The following REDIC1 variants were observed in gnomAD, a reference collection of about 807,000 sequenced individuals.
REDIC1 encodes regulator of DNA class I crossover intermediates 1, also known as HEI10 Interacting Protein 1.
chr12:39,663,690 C>A, the REDIC1 span, among the ~76,000 whole-genome samples: 29 of 151,980 alleles, frequency 1.9e-4, no homozygotes, highest in African/African-American at 6.5e-4. Flanking sequence ...GTTTGATTTT[C>A]TGGTGTGGTA....
chr12:39,712,716 CG>C, the REDIC1 span, among the ~76,000 whole-genome samples: 1 of 126,444 alleles, frequency 7.9e-6, no homozygotes, highest in Admixed American at 7.6e-5. Flanking sequence ...TGTATATAGA[CG>C]TATACGTGTA....
At chr12:39,718,794 A>G in the REDIC1 span, among the ~76,000 whole-genome samples, 1 of 152,100 alleles carries the variant, frequency 6.6e-6, no homozygotes, top group Admixed American at 6.6e-5. Flanking sequence ...TGGTCTGCAG[A>G]AGCTGCTTCC....
chr12:39,832,194 G>T, the REDIC1 span, among the ~76,000 whole-genome samples: 3 of 152,156 alleles, frequency 2.0e-5, no homozygotes, highest in Non-Finnish European at 4.4e-5. Context: ...GGCTTTAGAA[G>T]TAAGTACACT....
chr12:39,902,745 G>T, the REDIC1 span, among the ~76,000 whole-genome samples: 2 of 151,998 alleles, frequency 1.3e-5, no homozygotes, highest in African/African-American at 4.8e-5. Flanking sequence ...ATTAAAAAAA[G>T]ATATAATGGG....
the REDIC1 span, among the ~76,000 whole-genome samples, chr12:39,861,021 C>CAAA: frequency 2.0e-5 from 3 of 152,212 alleles, no homozygotes; most frequent in African/African-American, 7.2e-5. Flanking sequence ...TCTTAATAGT[C>CAAA]TTATCTGAAT....
chr12:39,684,773 C>A, the REDIC1 span: 2 of 852,126 alleles, frequency 2.3e-6, no homozygotes, highest in Non-Finnish European at 3.8e-6. Context: ...CCATATAATT[C>A]TGATCTGAAG....
the REDIC1 span, among the ~76,000 whole-genome samples, chr12:39,638,413 T>C: frequency 3.8e-4 from 58 of 152,146 alleles, no homozygotes; most frequent in Admixed American, 3.3e-3. Flanking sequence ...AGAATAATTG[T>C]TGCATGATTT....
the REDIC1 span, among the ~76,000 whole-genome samples, chr12:39,818,757 T>A: frequency 5.3e-5 from 8 of 152,152 alleles, no homozygotes; most frequent in Admixed American, 1.3e-4. Context: ...TAAATGTAGA[T>A]GTTTCATATA....
chr12:39,732,819 C>T, the REDIC1 span, among the ~76,000 whole-genome samples: 6 of 152,306 alleles, frequency 3.9e-5, no homozygotes, highest in East Asian at 1.2e-3. Context: ...GATGGTTCCT[C>T]AGTCCTTTGA....
the REDIC1 span, among the ~76,000 whole-genome samples, chr12:39,638,401 T>C: frequency 2.6e-5 from 4 of 151,982 alleles, no homozygotes; most frequent in East Asian, 7.7e-4. Context: ...GGTATCCTTA[T>C]GAGAATAATT....
At chr12:39,845,458 A>C in the REDIC1 span, among the ~76,000 whole-genome samples, 1 of 152,302 alleles carries the variant, frequency 6.6e-6, no homozygotes, top group South Asian at 2.1e-4. Context: ...AATCAAAGGA[A>C]GAAACACATT....
chr12:39,873,868 T>C, the REDIC1 span, among the ~76,000 whole-genome samples: 5 of 152,166 alleles, frequency 3.3e-5, no homozygotes, highest in Admixed American at 2.6e-4. Context: ...TTCAGAAACC[T>C]GCATTCTAAT....
chr12:39,750,320 A>T, the REDIC1 span, among the ~76,000 whole-genome samples: 1 of 152,164 alleles, frequency 6.6e-6, no homozygotes, highest in African/African-American at 2.4e-5. Context: ...CACAATTGCT[A>T]CAAAGAGAAT....
the REDIC1 span, among the ~76,000 whole-genome samples, chr12:39,669,500 A>C: frequency 1.3e-5 from 2 of 152,212 alleles, no homozygotes; most frequent in African/African-American, 2.4e-5. Flanking sequence ...CTCGGGCGTC[A>C]GGGACCCACT....
At chr12:39,765,943 G>T in the REDIC1 span, among the ~76,000 whole-genome samples, 2 of 152,034 alleles carry the variant, frequency 1.3e-5, no homozygotes, top group Admixed American at 6.6e-5. Flanking sequence ...TGTTCTCATT[G>T]TTCAGCTCCC....
chr12:39,781,093 CT>C, the REDIC1 span, among the ~76,000 whole-genome samples: 12 of 151,894 alleles, frequency 7.9e-5, no homozygotes, highest in Admixed American at 5.2e-4. Flanking sequence ...CTGCAATTGC[CT>C]TTTTTTTACT....
the REDIC1 span, chr12:39,764,581 A>T: frequency 6.2e-7 from 1 of 1,608,664 alleles, no homozygotes. Flanking sequence ...GATATATTTC[A>T]GAATTCACAG....
chr12:39,890,333 C>T, the REDIC1 span, among the ~76,000 whole-genome samples: 2 of 152,056 alleles, frequency 1.3e-5, no homozygotes, highest in Non-Finnish European at 2.9e-5. Flanking sequence ...AAAAAAAATA[C>T]ATTGTGGCAG....
the REDIC1 span, among the ~76,000 whole-genome samples, chr12:39,877,993 T>G: frequency 6.6e-6 from 1 of 152,140 alleles, no homozygotes; most frequent in African/African-American, 2.4e-5. Flanking sequence ...CCTGACCCAC[T>G]CTCCTACTGC....
Sources: gnomAD v4.1 joint callset for allele counts (sites outside exome capture counted in the v4.1 genomes callset) on GRCh38, gnomAD v4.1.1 for gene constraint, MANE v1.5 for transcripts, NCBI Gene and HGNC (gene_info 2026-07-23, HGNC 2026-07-21) for gene names.